TRMT11: variants seen among roughly 807,000 people sequenced by gnomAD.
TRMT11 encodes the protein tRNA (guanine(10)-N(2))-methyltransferase TRMT11.
In TRMT11, 53 loss-of-function variants were observed where a neutral mutation model predicts 62.8. The ratio of observed to expected loss-of-function variants is 0.84; its 90% CI spans 0.68 to 1.06. TRMT11 has a LOEUF of 1.06. TRMT11 is among the 50% of genes least tolerant of loss of function. TRMT11 has a pLI of 0.00. For missense variants in TRMT11, 556 were observed against 553.4 expected, an observed-to-expected ratio of 1.00 and a Z score of -0.05; for synonymous variants, 188 against 190.3, an observed-to-expected ratio of 0.99 and a Z score of 0.10.
At chr6:126,045,154 C>T (rs1225234542) in intron 16 of TRMT11, among the ~76,000 whole-genome samples, 2 of 151,192 alleles carry the variant, frequency 1.3e-5, no homozygotes, top group African/African-American at 2.4e-5. Context: ...CACCACTGCA[C>T]TCCAGCCTGG....
intron 1 of TRMT11, among the ~76,000 whole-genome samples, chr6:126,194,723 G>A (rs558082778): frequency 2.6e-5 from 4 of 152,220 alleles, no homozygotes; most frequent in South Asian, 2.1e-4. Context: ...CAAAAGAGTA[G>A]AAATATACTT....
intron 17 of TRMT11, among the ~76,000 whole-genome samples, chr6:126,109,816 C>T (rs752008164): frequency 6.6e-6 from 1 of 152,146 alleles, no homozygotes; most frequent in Non-Finnish European, 1.5e-5. Context: ...TTGAGAACCT[C>T]ATGTAAGTAT....
At chr6:125,991,010 G>T (rs962079722) in intron 1 of TRMT11, among the ~76,000 whole-genome samples, 1 of 151,928 alleles carries the variant, frequency 6.6e-6, no homozygotes, top group African/African-American at 2.4e-5. Context: ...ACTTTGGGAG[G>T]CTGAGGCGGG....
At chr6:125,991,334 C>G (rs968865153) in intron 1 of TRMT11, among the ~76,000 whole-genome samples, 1 of 152,050 alleles carries the variant, frequency 6.6e-6, no homozygotes, top group African/African-American at 2.4e-5. Context: ...TCACTGCAGC[C>G]TCAAAGACCC....
the TRMT11 span, among the ~76,000 whole-genome samples, chr6:126,268,585 T>G: frequency 2.0e-5 from 3 of 152,174 alleles, no homozygotes; most frequent in African/African-American, 7.2e-5. Flanking sequence ...ATGCCATTGT[T>G]TAAATCTTCT....
chr6:126,210,253 G>GT, the TRMT11 span, among the ~76,000 whole-genome samples: 32 of 152,224 alleles, frequency 2.1e-4, no homozygotes, highest in South Asian at 1.2e-3. Context: ...AGGAAGCACT[G>GT]TTGTTGACCT....
chr6:126,148,874 A>G (rs1778005141), intron 21 of TRMT11, among the ~76,000 whole-genome samples: 1 of 152,240 alleles, frequency 6.6e-6, no homozygotes. Context: ...TATAATTGTC[A>G]TAAGACTTGA....
chr6:126,096,419 C>G (rs1777340227), intron 17 of TRMT11, among the ~76,000 whole-genome samples: 1 of 152,172 alleles, frequency 6.6e-6, no homozygotes, highest in Non-Finnish European at 1.5e-5. Context: ...TTTTCTACTT[C>G]TGTAACCAGC....
chr6:126,210,464 A>G, the TRMT11 span, among the ~76,000 whole-genome samples: 1 of 152,206 alleles, frequency 6.6e-6, no homozygotes, highest in Non-Finnish European at 1.5e-5. Flanking sequence ...AAAACCCTGA[A>G]CAAAGAACTC....
At chr6:126,082,990 TAA>T (rs1777175309) in intron 17 of TRMT11, among the ~76,000 whole-genome samples, 1 of 152,168 alleles carries the variant, frequency 6.6e-6, no homozygotes, top group African/African-American at 2.4e-5. Flanking sequence ...CCAAAATTTA[TAA>T]AGAACTCATA....
At chr6:125,995,086 G>A (rs1292127997) in intron 2 of TRMT11, among the ~76,000 whole-genome samples, 2 of 152,118 alleles carry the variant, frequency 1.3e-5, no homozygotes, top group Non-Finnish European at 2.9e-5. Flanking sequence ...CATGGCACAC[G>A]TTTACCTATG....
chr6:126,050,426 G>T (rs375572447), intron 16 of TRMT11, among the ~76,000 whole-genome samples: 1 of 152,144 alleles, frequency 6.6e-6, no homozygotes, highest in Non-Finnish European at 1.5e-5. Context: ...TGGGGTGTCA[G>T]TTGCAGTGGC....
chr6:126,223,794 A>G, the TRMT11 span, among the ~76,000 whole-genome samples: 10 of 152,244 alleles, frequency 6.6e-5, no homozygotes, highest in Non-Finnish European at 1.0e-4. Flanking sequence ...GGGACTCCAA[A>G]GAGTTGTAGG....
At chr6:126,036,135 G>A (rs1775144266) in intron 12 of TRMT11, among the ~76,000 whole-genome samples, 1 of 152,028 alleles carries the variant, frequency 6.6e-6, no homozygotes, top group African/African-American at 2.4e-5. Context: ...GGCCTAGAGG[G>A]GCCATGAGGA....
intron 17 of TRMT11, among the ~76,000 whole-genome samples, chr6:126,111,172 G>A (rs1335714619): frequency 6.6e-6 from 1 of 152,002 alleles, no homozygotes; most frequent in Admixed American, 6.6e-5. Context: ...ATCTTGATGA[G>A]GAGACTCCCT....
chr6:126,235,296 G>A, the TRMT11 span, among the ~76,000 whole-genome samples: 2 of 152,132 alleles, frequency 1.3e-5, no homozygotes, highest in Non-Finnish European at 2.9e-5. Flanking sequence ...ACAGTTTGTC[G>A]AATCCTCAAA....
chr6:126,122,492 A>T (rs1293077639), intron 21 of TRMT11, among the ~76,000 whole-genome samples: 1 of 152,106 alleles, frequency 6.6e-6, no homozygotes, highest in East Asian at 1.9e-4. Context: ...GTAAGAACTG[A>T]CCATAAAGAA....
At chr6:126,193,931 C>T (rs1456169369) in intron 1 of TRMT11, among the ~76,000 whole-genome samples, 2 of 152,030 alleles carry the variant, frequency 1.3e-5, no homozygotes, top group African/African-American at 4.8e-5. Context: ...TTCATTGACC[C>T]ATTAGATGTT....
intron 1 of TRMT11, among the ~76,000 whole-genome samples, chr6:126,190,504 G>C (rs1778585636): frequency 6.6e-6 from 1 of 152,050 alleles, no homozygotes; most frequent in African/African-American, 2.4e-5. Context: ...CATGCTTTCT[G>C]TTAAGCCTGC....
Sources: gnomAD v4.1 joint callset for allele counts (sites outside exome capture counted in the v4.1 genomes callset) on GRCh38, gnomAD v4.1.1 for gene constraint, MANE v1.5 for transcripts, NCBI Gene and HGNC (gene_info 2026-07-23, HGNC 2026-07-21) for gene names.